The following SYNC variants were observed in gnomAD, a reference collection of about 807,000 sequenced individuals.
SYNC encodes syncoilin, intermediate filament protein, also known as syncoilin.
SYNC carries 38 observed loss-of-function variants against 49.5 expected under a neutral mutation model. The ratio of observed to expected loss-of-function variants is 0.77; its 90% CI spans 0.59 to 1.01. The LOEUF is 1.01. Ranked by LOEUF, SYNC falls within the 50% of genes least tolerant of loss-of-function variation. The pLI, the probability that SYNC is intolerant of heterozygous loss-of-function variation, is 0.00. For synonymous variants in SYNC, 201 were observed against 230.8 expected (o/e 0.87, Z 1.17); for missense variants, 579 against 580.6 (o/e 1.00, Z 0.03).
intron 1 of SYNC, among the ~76,000 whole-genome samples, chr1:32,700,721 C>T (rs2148565282): frequency 6.6e-6 from 1 of 152,182 alleles, no homozygotes; most frequent in Non-Finnish European, 1.5e-5. Context: ...AAGAAAGAAT[C>T]TTCATCTATT....
chr1:32,697,616 A>G (rs1398502707), intron 1 of SYNC, among the ~76,000 whole-genome samples: 1 of 151,682 alleles, frequency 6.6e-6, no homozygotes, highest in Non-Finnish European at 1.5e-5. Flanking sequence ...GTACACCTGT[A>G]GTCCCAGATA....
chr1:32,687,858 A>ATTATTATT lies in SYNC; in HGVS notation c.1234-3477_1234-3476insAATAATAA, dbSNP rs1399978940. The stretch of plus-strand genomic sequence containing the variant: ...AATTATTATTATTATTATTATTATT[A>ATTATTATT]TTATTTTTTGAGATGGAGTCTTGCT... On this transcript the variant is annotated intron_variant, in intron 2 of 4. Transcript: ENST00000409190. Among the ~76,000 whole-genome samples, 6 of 144,082 alleles carry ATTATTATT rather than the reference A, an allele frequency of 4.2e-5. No individual in the cohort carries two copies. The East Asian group carries it at 1.0e-3, about 24-fold the overall frequency. The allele number at this position is 144,082 out of a possible 152,430, so 94.5% of individuals were successfully genotyped here. A position where few individuals can be genotyped will look rare whatever the true frequency, so the allele number is the denominator to read the frequency against.
chr1:32,688,340 T>C (rs1434119734), intron 2 of SYNC, among the ~76,000 whole-genome samples: 1 of 152,098 alleles, frequency 6.6e-6, no homozygotes, highest in African/African-American at 2.4e-5. Flanking sequence ...AGGAATTATT[T>C]TGTGTAAAGA....
At chr1:32,702,774 C>A, upstream of SYNC, 1 of 929,036 alleles carries the variant, frequency 1.1e-6, no homozygotes, top group Non-Finnish European at 1.3e-6. The surrounding 1 kb of genome is among the most constrained non-coding windows in gnomAD (Gnocchi z 6.2). Context: ...GGATCCCGGC[C>A]GGCCCCGGGC....
intron 2 of SYNC, 54 bp downstream of exon 2, chr1:32,694,811 C>CA: frequency 6.8e-7 from 1 of 1,480,632 alleles, no homozygotes; most frequent in Non-Finnish European, 9.1e-7. Context: ...GGACTCTGGC[C>CA]ACTCTTTCCC....
Position 32,680,531 on chromosome 1 carries a change from A to G in SYNC, c.*1319T>C. On this transcript the variant is annotated 3_prime_UTR_variant, in exon 5 of 5. Coordinates refer to ENST00000409190, the MANE Select transcript of SYNC (RefSeq NM_030786.3). ...GAGTTGCTTTTTTTTTTTAGGAGTT[A>G]GTCCTTGACCACTAGTTTGATGCCA... The G allele has an allele frequency of 1.3e-6, 2 of 1,528,504 alleles. No individual in the cohort carries two copies. Among genetic ancestry groups the G allele is most frequent in the Non-Finnish European group, 1.8e-6 (2 of 1,134,346 alleles). The allele number at this position is 1,528,504 out of a possible 1,614,324, so 94.7% of individuals were successfully genotyped here.
intron 4 of SYNC, chr1:32,683,289 TAAG>T (rs1649575945): frequency 7.4e-6 from 1 of 134,944 alleles, no homozygotes; most frequent in African/African-American, 2.7e-5. Flanking sequence ...AAAAAAAGAG[TAAG>T]TCTGTGTAAC....
rs572577456 is a variant in SYNC at position 32,698,193 on chromosome 1, C to T, written c.54-2149G>A. On this transcript the variant is annotated intron_variant, in intron 1 of 4. Transcript: ENST00000409190. ...AGCCGAGATCACACCACAGCCTGGG[C>T]GACAGACCGGGACTCCATCTCAAAA... is the stretch of plus-strand genomic sequence containing the variant. Among the ~76,000 whole-genome samples, 16 of 137,890 alleles carry T rather than the reference C, an allele frequency of 1.2e-4. No homozygotes were observed. In the South Asian group the frequency reaches 3.8e-3, roughly 33 times the overall value. 90.5% of individuals were successfully genotyped at this position (137,890 alleles called of 152,430 possible).
Position 32,684,284 on chromosome 1 carries a change from A to G in SYNC, c.1332T>C (p.Ser444=). 6.2e-7 allele frequency: 1 copy of G among 1,614,192 alleles called. No homozygotes were observed. Among genetic ancestry groups the G allele is most frequent in the East Asian group, 2.2e-5 (1 of 44,890 alleles). Reference sequence around the variant, plus strand: ...TATAAGTAGAGAGCTCTTCAGCAAGACTGAGCCTTAGCTGTTCCATCTCTT... The same window carrying G: ...TATAAGTAGAGAGCTCTTCAGCAAGGCTGAGCCTTAGCTGTTCCATCTCTT... ...KNKEMEQLRL[S]LAEELSTYKA... The change falls in exon 3 of 5, where the codon AGT becomes AGC. Residue 444 remains serine (S), a synonymous_variant. Transcript: ENST00000409190.
chr1:32,697,892 G>A (rs1264707320), intron 1 of SYNC, among the ~76,000 whole-genome samples: 1 of 151,542 alleles, frequency 6.6e-6, no homozygotes, highest in Admixed American at 6.6e-5. Context: ...TTATTCTTAA[G>A]TTCCCCAAGA....
chr1:32,693,323 C>T (rs1296350782), intron 2 of SYNC, among the ~76,000 whole-genome samples: 1 of 152,084 alleles, frequency 6.6e-6, no homozygotes, highest in Non-Finnish European at 1.5e-5. Context: ...CCTTGTGATC[C>T]ACCCACCTCA....
chr1:32,681,823 C>T lies in SYNC; in HGVS notation c.*27G>A, dbSNP rs763191617. 1.2e-5 allele frequency: 19 copies of T among 1,613,972 alleles called. No homozygotes were observed. The highest frequency in any genetic ancestry group is 7.7e-5 in the South Asian group (7 of 91,084). Reference sequence around the variant, plus strand: ...TTTGCTAAGAAGTTTTTTGCTGTTTCCGGGTTACAGATTTGGCCATATATT... The same window carrying T: ...TTTGCTAAGAAGTTTTTTGCTGTTTTCGGGTTACAGATTTGGCCATATATT... On this transcript the variant is annotated 3_prime_UTR_variant, in exon 5 of 5. Transcript: ENST00000409190.
At position 32,702,171 on chromosome 1, in the gene SYNC, T is replaced by G. The variant is rs557520616; in HGVS notation, c.53+437A>C. 1.3e-5 allele frequency among the ~76,000 whole-genome samples: 2 copies of G among 152,308 alleles called. No individual in the cohort carries two copies. Among genetic ancestry groups the G allele is most frequent in the South Asian group, 4.1e-4 (2 of 4,826 alleles). On this transcript the variant is annotated intron_variant, in intron 1 of 4. Transcript: ENST00000409190. This position sits in a 1 kb window ranked among gnomAD's most constrained non-coding sequence, Gnocchi z 6.2. ...AGGCCAGACGGGAGAGAACAAGCCC[T>G]GACAGACTCTTAACTTCAAGCTGGC... is the stretch of plus-strand genomic sequence containing the variant.
chr1:32,683,869 G>A, intron 4 of SYNC, 141 bp downstream of exon 4: 2 of 742,738 alleles, frequency 2.7e-6, no homozygotes, highest in Admixed American at 2.4e-5. Context: ...CTGACTCCAG[G>A]TGATCCACCC....
chr1:32,686,650 T>A (rs1649852083), intron 2 of SYNC, among the ~76,000 whole-genome samples: 1 of 151,790 alleles, frequency 6.6e-6, no homozygotes, highest in Non-Finnish European at 1.5e-5. Flanking sequence ...GAGTAAAGAG[T>A]TAAAGGGGAA....
chr1:32,698,141 T>A (rs1650512931), intron 1 of SYNC, among the ~76,000 whole-genome samples: 2 of 149,380 alleles, frequency 1.3e-5, no homozygotes, highest in Non-Finnish European at 3.0e-5. Flanking sequence ...AAGAATCGCT[T>A]GAACCTGGGA....
chr1:32,688,310 CAT>C (rs1649990827), intron 2 of SYNC, among the ~76,000 whole-genome samples: 1 of 152,116 alleles, frequency 6.6e-6, no homozygotes, highest in Admixed American at 6.6e-5. Flanking sequence ...ATACCTAACT[CAT>C]AGAGATGTAA....
At chr1:32,691,175 G>A (rs1290519978) in intron 2 of SYNC, among the ~76,000 whole-genome samples, 1 of 149,012 alleles carries the variant, frequency 6.7e-6, no homozygotes, top group Non-Finnish European at 1.5e-5. Context: ...CCCAGATCAT[G>A]CCACTGCACT....
chr1:32,689,760 G>C (rs1435458962), intron 2 of SYNC, among the ~76,000 whole-genome samples: 1 of 151,924 alleles, frequency 6.6e-6, no homozygotes, highest in Non-Finnish European at 1.5e-5. Flanking sequence ...GGCCAACGTG[G>C]TGAAACCCCA....
Sources: allele counts gnomAD v4.1 joint callset (sites outside exome capture counted in the v4.1 genomes callset), GRCh38; gene constraint gnomAD v4.1.1; non-coding constraint Gnocchi (gnomAD v3.1); transcripts MANE v1.5; gene names NCBI Gene and HGNC (gene_info 2026-07-23, HGNC 2026-07-21).